The following SLC39A11 variants were observed in gnomAD, a reference collection of about 807,000 sequenced individuals.
SLC39A11 encodes the protein solute carrier family 39 member 11.
SLC39A11 carries 33 observed loss-of-function variants against 36.1 expected under a neutral mutation model. The observed-to-expected ratio is 0.91, with a 90% confidence interval of 0.69 to 1.22. The LOEUF (loss-of-function observed/expected upper bound fraction) is 1.22. Ranked by LOEUF, SLC39A11 falls within the 50% of genes most tolerant of loss-of-function variation. The pLI is 0.00. For synonymous variants in SLC39A11, 166 were observed against 170.3 expected (o/e 0.97, Z 0.20); for missense variants, 432 against 430.3 (o/e 1.00, Z -0.03).
chr17:72,658,526 A>G (rs990302140), intron 7 of SLC39A11, among the ~76,000 whole-genome samples: 15 of 152,120 alleles, frequency 9.9e-5, no homozygotes, highest in Admixed American at 9.8e-4. Context: ...CTTCTCCAGC[A>G]TCCTCCTCCT....
rs2069577186 is a variant in SLC39A11 at position 72,646,662 on chromosome 17, A to C, written c.*922T>G. On this transcript the variant is annotated 3_prime_UTR_variant, in exon 10 of 10. Coordinates refer to ENST00000255559, the MANE Select transcript of SLC39A11 (RefSeq NM_139177.4). ...AGCAGATTCCAAAACTCTTTCATTC[A>C]CTTGAGTTAACTGAAATGGCTCCTT... The C allele has an allele frequency of 6.6e-6, 1 of 152,654 alleles. No homozygotes were observed. Among genetic ancestry groups the C allele is most frequent in the Admixed American group, 6.5e-5 (1 of 15,274 alleles). The allele number at this position is 152,654 out of a possible 1,614,324, so 9.5% of individuals were successfully genotyped here. A position where few individuals can be genotyped will look rare whatever the true frequency, so the allele number is the denominator to read the frequency against.
chr17:72,688,176 G>A (rs991068335), intron 7 of SLC39A11, among the ~76,000 whole-genome samples: 25 of 152,222 alleles, frequency 1.6e-4, no homozygotes, highest in African/African-American at 5.1e-4. Context: ...GCCCGTTTCT[G>A]CTCTGAATGA....
chr17:72,956,773 T>C (rs2086266577), intron 4 of SLC39A11, among the ~76,000 whole-genome samples: 2 of 152,230 alleles, frequency 1.3e-5, no homozygotes, highest in South Asian at 4.1e-4. Flanking sequence ...TTTTGGAGGA[T>C]ATTAGATGCC....
chr17:72,890,510 T>C (rs1256711402), intron 5 of SLC39A11, among the ~76,000 whole-genome samples: 4 of 151,974 alleles, frequency 2.6e-5, no homozygotes, highest in Admixed American at 2.6e-4. Context: ...AGTGACTGAG[T>C]AGATTTGGTT....
chr17:72,886,936 G>C lies in SLC39A11; in HGVS notation c.431-37132C>G, dbSNP rs181372368. 4.6e-5 allele frequency among the ~76,000 whole-genome samples: 7 copies of C among 152,232 alleles called. No homozygotes were observed. The East Asian group carries it at 7.7e-4, about 17-fold the overall frequency. ...GCATTTTCTCTTTCACATCTTTCAGGTCTTTTCTCAAAACCCATCATCTTA... is the reference window on the plus strand; with the variant it reads ...GCATTTTCTCTTTCACATCTTTCAGCTCTTTTCTCAAAACCCATCATCTTA... On this transcript the variant is annotated intron_variant, in intron 5 of 9. Transcript: ENST00000255559.
intron 4 of SLC39A11, among the ~76,000 whole-genome samples, chr17:72,958,307 A>G (rs1223895082): frequency 1.3e-5 from 2 of 152,254 alleles, no homozygotes; most frequent in East Asian, 3.8e-4. Context: ...TTAGGCAAGG[A>G]TTTCAAGACC....
intron 4 of SLC39A11, among the ~76,000 whole-genome samples, chr17:72,961,983 G>A (rs554196259): frequency 1.8e-4 from 27 of 152,224 alleles, no homozygotes; most frequent in African/African-American, 6.0e-4. Flanking sequence ...TTTCTTTAAC[G>A]GGGCTTTATA....
intron 6 of SLC39A11, among the ~76,000 whole-genome samples, chr17:72,786,953 G>A (rs2076536896): frequency 6.6e-6 from 1 of 152,026 alleles, no homozygotes; most frequent in African/African-American, 2.4e-5. Flanking sequence ...CCAGGTAGCT[G>A]GGATTACAGG....
At chr17:73,073,380 C>T (rs2060223138) in intron 3 of SLC39A11, among the ~76,000 whole-genome samples, 1 of 152,128 alleles carries the variant, frequency 6.6e-6, no homozygotes, top group East Asian at 1.9e-4. Context: ...GAGAGGGACC[C>T]TCCCCCATGT....
At chr17:72,984,367 A>G (rs2088556167) in intron 4 of SLC39A11, among the ~76,000 whole-genome samples, 1 of 131,318 alleles carries the variant, frequency 7.6e-6, no homozygotes, top group Non-Finnish European at 1.6e-5. Context: ...CTTTATTGGA[A>G]CTCAGACATT....
chr17:72,698,778 T>C (rs531311139), intron 7 of SLC39A11, among the ~76,000 whole-genome samples: 11 of 152,276 alleles, frequency 7.2e-5, no homozygotes, highest in Middle Eastern at 6.8e-3. Context: ...TGTGAATACC[T>C]GGAGGGGCTT....
At chr17:72,901,469 TAG>T (rs2082391665) in intron 5 of SLC39A11, among the ~76,000 whole-genome samples, 2 of 151,930 alleles carry the variant, frequency 1.3e-5, no homozygotes, top group Non-Finnish European at 2.9e-5. Context: ...ACATAAGAAG[TAG>T]AGATTTGGGT....
chr17:72,998,631 A>C (rs956284451), intron 4 of SLC39A11, among the ~76,000 whole-genome samples: 1 of 152,248 alleles, frequency 6.6e-6, no homozygotes, highest in Non-Finnish European at 1.5e-5. Context: ...AAAGGGAAGA[A>C]GACTGGCAGC....
intron 4 of SLC39A11, among the ~76,000 whole-genome samples, chr17:73,004,232 A>AAAGAAAGAAAGAAAAGAAAG: frequency 1.1e-5 from 1 of 88,710 alleles, no homozygotes; most frequent in South Asian, 4.0e-4. Flanking sequence ...AGAAAGAAAG[A>AAAGAAAGAAAGAAAAGAAAG]AAAGAAAGAA....
rs1199969554 is a variant in SLC39A11, at chr17:72,808,817, T to A, written c.601+40817A>T. Among the ~76,000 whole-genome samples the A allele has an allele frequency of 2.0e-5, 3 of 151,898 alleles. No homozygotes were observed. The East Asian group carries it at 5.8e-4, about 30-fold the overall frequency. ...CCCACCCAGAGTCGGACTCAGCACA[T>A]GAGGACTCTTCCACACCTCTATGAT... is the stretch of plus-strand genomic sequence containing the variant. On this transcript the variant is annotated intron_variant, in intron 6 of 9. Transcript: ENST00000255559.
At chr17:72,649,360 G>C in intron 7 of SLC39A11, 92 bp from the exon 8 acceptor site, 1 of 1,120,454 alleles carries the variant, frequency 8.9e-7, no homozygotes, top group Non-Finnish European at 1.3e-6. Flanking sequence ...CTCCGTGGGT[G>C]CTAGGAAGCC....
intron 5 of SLC39A11, among the ~76,000 whole-genome samples, chr17:72,927,878 TCA>T (rs1286914165): frequency 1.3e-5 from 2 of 151,698 alleles, no homozygotes; most frequent in Non-Finnish European, 2.9e-5. Flanking sequence ...ACAGTCAAGG[TCA>T]CACACACAGG....
In SLC39A11 at chr17:72,821,293, G is replaced by A. The variant is rs369785804; in HGVS notation, c.601+28341C>T. Among the ~76,000 whole-genome samples the A allele has an allele frequency of 3.7e-4, 55 of 150,166 alleles. 3 individuals are homozygous for A. The highest frequency in any genetic ancestry group is 9.7e-4 in the African/African-American group (40 of 41,220). On this transcript the variant is annotated intron_variant, in intron 6 of 9. Coordinates refer to ENST00000255559, the MANE Select transcript of SLC39A11 (RefSeq NM_139177.4). ...TGAGGAGGGTGGATCACCTGAGGTCGGAAATTGGAGACCTGCTTGGCCAAC... is the reference window on the plus strand; with the variant it reads ...TGAGGAGGGTGGATCACCTGAGGTCAGAAATTGGAGACCTGCTTGGCCAAC...
intron 5 of SLC39A11, among the ~76,000 whole-genome samples, chr17:72,897,581 T>A (rs1244386574): frequency 2.0e-5 from 3 of 152,028 alleles, no homozygotes; most frequent in Non-Finnish European, 4.4e-5. Flanking sequence ...ATGGGTTGAG[T>A]TTGGGATGAG....
Sources: gnomAD v4.1 joint callset for allele counts (sites outside exome capture counted in the v4.1 genomes callset) on GRCh38, gnomAD v4.1.1 for gene constraint, MANE v1.5 for transcripts, NCBI Gene and HGNC (gene_info 2026-07-23, HGNC 2026-07-21) for gene names.